Variants in RALGAPA1 observed in about 807,000 individuals in gnomAD.
RALGAPA1 encodes the protein ral GTPase-activating protein subunit alpha-1.
RALGAPA1 carries 52 observed loss-of-function variants against 269.6 expected under a neutral mutation model. The observed-to-expected ratio is 0.19, with a 90% CI of 0.15 to 0.24. The LOEUF (loss-of-function observed/expected upper bound fraction) is 0.24. Among genes scored for constraint, RALGAPA1 ranks in the 10% least tolerant of loss-of-function variants. The pLI, the probability that RALGAPA1 is intolerant of heterozygous loss-of-function variation, is 1.00. For missense variants in RALGAPA1, 1,917 were observed against 3,013.9 expected (o/e 0.64, Z 8.52); for synonymous variants, 817 against 1,008.3 (o/e 0.81, Z 3.60).
At chr14:35,747,680 G>T (rs1346195826) in intron 10 of RALGAPA1, among the ~76,000 whole-genome samples, 1 of 152,118 alleles carries the variant, frequency 6.6e-6, no homozygotes, top group East Asian at 1.9e-4. Flanking sequence ...CATTTTATTT[G>T]AAGATCTACC....
intron 14 of RALGAPA1, among the ~76,000 whole-genome samples, chr14:35,724,723 T>C (rs889519523): frequency 3.9e-5 from 6 of 152,158 alleles, no homozygotes; most frequent in Non-Finnish European, 5.9e-5. Flanking sequence ...TGCAACCACA[T>C]ATTATGTATA....
intron 1 of RALGAPA1, among the ~76,000 whole-genome samples, chr14:35,799,203 G>T (rs561720316): frequency 3.9e-5 from 6 of 152,060 alleles, no homozygotes; most frequent in Non-Finnish European, 7.4e-5. Context: ...ATTCTTACAA[G>T]GTTCTTATAC....
chr14:35,807,898 C>CT (rs1209723049), intron 1 of RALGAPA1: 1 of 152,162 alleles, frequency 6.6e-6, no homozygotes, highest in Admixed American at 6.5e-5. Flanking sequence ...ACCATTAACT[C>CT]TAAGTATCAA....
intron 35 of RALGAPA1, among the ~76,000 whole-genome samples, chr14:35,621,102 A>G (rs2060593134): frequency 6.6e-6 from 1 of 152,196 alleles, no homozygotes; most frequent in South Asian, 2.1e-4. Context: ...ATGCTACCTG[A>G]CTTCAAACAT....
In RALGAPA1 at chr14:35,742,369, T is replaced by A. The variant is rs1298007911; in HGVS notation, c.1448A>T (p.Glu483Val). The change falls in exon 11 of 42, where the codon GAG (glutamate) becomes GTG (valine). Residue 483 changes from glutamate (E) to valine (V), a missense_variant and splice_region_variant. Around this residue, in one of 11 missense-constraint regions of RALGAPA1, gnomAD observed 462 missense variants for 725.6 expected, o/e 0.64. Coordinates refer to ENST00000680220, the MANE Select transcript of RALGAPA1 (RefSeq NM_001346249.2). ...AATATATAAATCTTATAACTTCACC[T>A]CTTCTCTTTTTTCTCCTTCTTCCAT... ...ISMEEGEKRE[E>V]ENGTNTADHV... 2 of 1,581,486 alleles carry A rather than the reference T, an allele frequency of 1.3e-6. No homozygotes were observed. The highest frequency in any genetic ancestry group is 1.7e-6 in the Non-Finnish European group (2 of 1,159,070).
intron 19 of RALGAPA1, among the ~76,000 whole-genome samples, 170 bp downstream of exon 19, chr14:35,686,372 T>C (rs1456815950): frequency 6.6e-6 from 1 of 152,062 alleles, no homozygotes; most frequent in African/African-American, 2.4e-5. Context: ...ATAAAAAATG[T>C]TATAAAAATG....
chr14:35,687,287 G>C (rs1266906368), intron 18 of RALGAPA1, among the ~76,000 whole-genome samples: 1 of 152,002 alleles, frequency 6.6e-6, no homozygotes, highest in Non-Finnish European at 1.5e-5. Context: ...TAACAAGAAA[G>C]TTTTAGACTT....
chr14:35,603,743 C>T (rs1364461709), intron 36 of RALGAPA1, among the ~76,000 whole-genome samples: 3 of 152,024 alleles, frequency 2.0e-5, no homozygotes, highest in Non-Finnish European at 4.4e-5. Flanking sequence ...AAACCAGACA[C>T]AGAAAGACAA....
chr14:35,728,228 T>C, intron 13 of RALGAPA1, 134 bp downstream of exon 13: 1 of 858,612 alleles, frequency 1.2e-6, no homozygotes, highest in Non-Finnish European at 1.6e-6. Context: ...ATGATTAATT[T>C]TATATTTATT....
At chr14:35,754,001 T>G (rs1335370896) in intron 7 of RALGAPA1, among the ~76,000 whole-genome samples, 1 of 152,174 alleles carries the variant, frequency 6.6e-6, no homozygotes, top group Non-Finnish European at 1.5e-5. Context: ...TTGTTGATTT[T>G]CCAGTGTAAT....
intron 1 of RALGAPA1, among the ~76,000 whole-genome samples, chr14:35,803,635 C>CT (rs202191951): frequency 0.045 from 6,386 of 140,522 alleles, 363 homozygotes; most frequent in African/African-American, 0.13. Flanking sequence ...ATATAAAGAA[C>CT]TTTTTTTTTT....
At chr14:35,686,896 G>GA (rs1567003518) in intron 18 of RALGAPA1, among the ~76,000 whole-genome samples, 1 of 152,148 alleles carries the variant, frequency 6.6e-6, no homozygotes, top group Non-Finnish European at 1.5e-5. Flanking sequence ...TAAACAGCAA[G>GA]AAAGCTTATA....
intron 39 of RALGAPA1, 122 bp from the exon 40 acceptor site, chr14:35,549,356 T>A: frequency 2.0e-6 from 2 of 976,484 alleles, no homozygotes; most frequent in South Asian, 2.1e-5. Flanking sequence ...ATTCACTAAT[T>A]ATTCTTATAT....
intron 36 of RALGAPA1, among the ~76,000 whole-genome samples, chr14:35,596,835 ATAT>A (rs2058957716): frequency 1.3e-5 from 2 of 152,300 alleles, no homozygotes; most frequent in Admixed American, 6.5e-5. Context: ...CTTTAGAAAA[ATAT>A]TATCTGCATA....
intron 1 of RALGAPA1, among the ~76,000 whole-genome samples, chr14:35,781,913 A>T (rs2075461656): frequency 1.3e-5 from 2 of 152,234 alleles, no homozygotes; most frequent in African/African-American, 2.4e-5. Context: ...CCCTAAAAGC[A>T]TGAACAAGAC....
At chr14:35,732,828 G>GCTC (rs2070631336) in intron 12 of RALGAPA1, among the ~76,000 whole-genome samples, 1 of 152,136 alleles carries the variant, frequency 6.6e-6, no homozygotes, top group African/African-American at 2.4e-5. Flanking sequence ...TCCACTGACA[G>GCTC]CACTAGACAG....
chr14:35,609,278 G>A (rs1311995215), intron 35 of RALGAPA1, among the ~76,000 whole-genome samples: 1 of 150,870 alleles, frequency 6.6e-6, no homozygotes, highest in Non-Finnish European at 1.5e-5. Context: ...AAATTTAAAC[G>A]ATTTGAAATC....
Position 35,711,526 on chromosome 14 carries a change from C to T in RALGAPA1, c.2266+10162G>A, listed in dbSNP as rs148377390. Among the ~76,000 whole-genome samples the T allele has an allele frequency of 2.8e-4, 43 of 152,338 alleles. 1 individual carries two copies. The East Asian group carries it at 8.1e-3, about 29-fold the overall frequency. On this transcript the variant is annotated intron_variant, in intron 16 of 41. Coordinates refer to ENST00000680220, the MANE Select transcript of RALGAPA1 (RefSeq NM_001346249.2). ...GCGGTGGCATAATCTCCGCTCACTG[C>T]AGTGTCAACTTCCTGGGCTCAAGAG...
At chr14:35,651,321 A>C (rs1220908552) in intron 31 of RALGAPA1, among the ~76,000 whole-genome samples, 2 of 152,226 alleles carry the variant, frequency 1.3e-5, no homozygotes, top group Non-Finnish European at 2.9e-5. Context: ...TGGTAAATAC[A>C]ATATCTGAAA....
Sources: allele counts gnomAD v4.1 joint callset (sites outside exome capture counted in the v4.1 genomes callset), GRCh38; gene constraint gnomAD v4.1.1; regional missense constraint gnomAD v4.1.1; transcripts MANE v1.5; gene names NCBI Gene and HGNC (gene_info 2026-07-23, HGNC 2026-07-21).